The following SPACA7 variants were observed in gnomAD, a reference collection of about 807,000 sequenced individuals.
SPACA7 encodes the protein sperm acrosome associated 7.
Under a neutral mutation model 26.3 loss-of-function variants are expected in SPACA7, and 19 were observed. That is an observed-to-expected ratio of 0.72 (90% CI 0.50 to 1.06). The LOEUF (loss-of-function observed/expected upper bound fraction) is 1.06, where lower values mean the gene tolerates loss of function less well. SPACA7 is among the 50% of genes least tolerant of loss of function. SPACA7 has a pLI of 0.00. For missense variants in SPACA7, 211 were observed against 229.9 expected (o/e 0.92, Z 0.53); for synonymous variants, 84 against 84.5 (o/e 0.99, Z 0.04).
At chr13:112,398,731 G>A (rs980517955) in intron 3 of SPACA7, among the ~76,000 whole-genome samples, 2 of 152,222 alleles carry the variant, frequency 1.3e-5, no homozygotes, top group Non-Finnish European at 2.9e-5. Context: ...GCCAAGGAGA[G>A]AACTGGGAAT....
chr13:112,400,962 G>T (rs879746495), intron 4 of SPACA7, 107 bp from the exon 5 acceptor site: 21 of 775,372 alleles, frequency 2.7e-5, no homozygotes, highest in Non-Finnish European at 3.8e-5. Flanking sequence ...ACTTGAAAAT[G>T]ATATTAGCAT....
intron 2 of SPACA7, among the ~76,000 whole-genome samples, chr13:112,396,641 T>C (rs1424124200): frequency 9.9e-5 from 15 of 152,212 alleles, no homozygotes; most frequent in Non-Finnish European, 1.8e-4. Flanking sequence ...CTGGACACCA[T>C]GACTGTTTAG....
chr13:112,395,160 C>T (rs1885155174), intron 2 of SPACA7, among the ~76,000 whole-genome samples: 2 of 152,174 alleles, frequency 1.3e-5, no homozygotes, highest in African/African-American at 4.8e-5. Context: ...CTCACTAAGG[C>T]AAAGGAAGCC....
intron 1 of SPACA7, among the ~76,000 whole-genome samples, chr13:112,390,303 A>G (rs1884798491): frequency 6.6e-6 from 1 of 152,182 alleles, no homozygotes; most frequent in Admixed American, 6.5e-5. Context: ...TGGTTTGCAA[A>G]GTCACGGCAA....
At chr13:112,400,459 G>C (rs1326290208) in intron 4 of SPACA7, among the ~76,000 whole-genome samples, 1 of 152,150 alleles carries the variant, frequency 6.6e-6, no homozygotes, top group Admixed American at 6.5e-5. Flanking sequence ...CTCCTCCCCT[G>C]TTTATGTATT....
At chr13:112,424,932 C>T (rs1163294707) in intron 5 of SPACA7, among the ~76,000 whole-genome samples, 1 of 152,212 alleles carries the variant, frequency 6.6e-6, no homozygotes, top group Admixed American at 6.5e-5. Context: ...GACCCTAGCA[C>T]CTTGCCTTGA....
intron 2 of SPACA7, among the ~76,000 whole-genome samples, chr13:112,396,051 G>A (rs1885228735): frequency 7.2e-6 from 1 of 138,328 alleles, no homozygotes; most frequent in African/African-American, 2.5e-5. Context: ...AGCCATGACT[G>A]CTCTCCGAGC....
intron 3 of SPACA7, among the ~76,000 whole-genome samples, chr13:112,398,345 G>A (rs1416591980): frequency 1.3e-5 from 2 of 151,780 alleles, no homozygotes; most frequent in Non-Finnish European, 2.9e-5. Context: ...AGACTGGCAG[G>A]GTTAATTCCC....
Position 112,421,245 on chromosome 13 carries a change from T to C in SPACA7, c.446-11199T>C, listed in dbSNP as rs1367743829. ...ACATGCAAAAAAAAAAAAAAAAAAGTATGTCAACAAAGCAAAAAGGAGGGC... is the reference window on the plus strand; with the variant it reads ...ACATGCAAAAAAAAAAAAAAAAAAGCATGTCAACAAAGCAAAAAGGAGGGC... On this transcript the variant is annotated intron_variant, in intron 5 of 6. Coordinates refer to ENST00000283550, the MANE Select transcript of SPACA7 (RefSeq NM_145248.5). Among the ~76,000 whole-genome samples, 4 of 120,098 alleles carry C rather than the reference T, an allele frequency of 3.3e-5. No homozygotes were observed. The East Asian group carries it at 1.3e-3, about 38-fold the overall frequency. 78.8% of individuals were successfully genotyped at this position (120,098 alleles called of 152,430 possible).
intron 5 of SPACA7, among the ~76,000 whole-genome samples, chr13:112,410,679 G>A (rs968434398): frequency 1.3e-5 from 2 of 151,984 alleles, no homozygotes; most frequent in African/African-American, 4.8e-5. Flanking sequence ...TAGAGAAATT[G>A]GAATTCTTGT....
intron 1 of SPACA7, among the ~76,000 whole-genome samples, chr13:112,386,825 G>C (rs1004115909): frequency 2.0e-5 from 3 of 152,142 alleles, no homozygotes; most frequent in Admixed American, 1.3e-4. Flanking sequence ...GCCAGGCCAA[G>C]TGGCTAATAT....
chr13:112,421,243 A>AG (rs1875946077), intron 5 of SPACA7, among the ~76,000 whole-genome samples: 2 of 147,958 alleles, frequency 1.4e-5, no homozygotes, highest in African/African-American at 5.0e-5. Flanking sequence ...AAAAAAAAAA[A>AG]GTATGTCAAC....
At chr13:112,434,229 T>C (rs1877504931) in intron 6 of SPACA7, among the ~76,000 whole-genome samples, 1 of 152,126 alleles carries the variant, frequency 6.6e-6, no homozygotes, top group African/African-American at 2.4e-5. Flanking sequence ...CTTGGAGTTG[T>C]CGATGGGTTT....
intron 1 of SPACA7, among the ~76,000 whole-genome samples, chr13:112,389,440 A>G (rs1884735608): frequency 6.6e-6 from 1 of 152,236 alleles, no homozygotes; most frequent in South Asian, 2.1e-4. Context: ...AATTCCAAAG[A>G]CAAACTGTCT....
At chr13:112,420,851 G>GA (rs1402071386) in intron 5 of SPACA7, among the ~76,000 whole-genome samples, 1 of 151,714 alleles carries the variant, frequency 6.6e-6, no homozygotes, top group Non-Finnish European at 1.5e-5. Context: ...ACTTTACATA[G>GA]AAAAAAACCA....
intron 5 of SPACA7, among the ~76,000 whole-genome samples, chr13:112,413,875 T>C (rs890068121): frequency 1.3e-5 from 2 of 152,200 alleles, no homozygotes; most frequent in Non-Finnish European, 2.9e-5. Flanking sequence ...TTTATTTGGC[T>C]CACAGTTATG....
intron 4 of SPACA7, 67 bp from the exon 5 acceptor site, chr13:112,401,002 G>A: frequency 8.8e-7 from 1 of 1,140,334 alleles, no homozygotes; most frequent in South Asian, 1.3e-5. Flanking sequence ...ATAAATAAAT[G>A]ACCAAAGTGC....
intron 5 of SPACA7, among the ~76,000 whole-genome samples, chr13:112,416,317 G>C (rs1886692319): frequency 6.8e-6 from 1 of 147,944 alleles, no homozygotes; most frequent in African/African-American, 2.5e-5. Context: ...GTTACAGACT[G>C]TCACTGTCAC....
At chr13:112,416,380 G>A (rs1213635807) in intron 5 of SPACA7, among the ~76,000 whole-genome samples, 1 of 151,962 alleles carries the variant, frequency 6.6e-6, no homozygotes, top group East Asian at 1.9e-4. Flanking sequence ...TATACCTCCT[G>A]GGTTCAGGAG....
Sources: allele counts gnomAD v4.1 joint callset (sites outside exome capture counted in the v4.1 genomes callset), GRCh38; gene constraint gnomAD v4.1.1; transcripts MANE v1.5; gene names NCBI Gene and HGNC (gene_info 2026-07-23, HGNC 2026-07-21).